DICER1: variants seen among roughly 807,000 people sequenced by gnomAD.
DICER1 encodes endoribonuclease Dicer.
DICER1 carries 43 observed loss-of-function variants against 194.1 expected under a neutral mutation model. That is an observed-to-expected ratio of 0.22 (90% confidence interval 0.17 to 0.29). The LOEUF is 0.29. DICER1 is among the 10% of genes least tolerant of loss of function. The probability of loss-of-function intolerance (pLI) is 1.00; values close to 1 mark genes in which losing one functional copy is unlikely to be tolerated. For synonymous variants in DICER1, 832 were observed against 820.5 expected, an observed-to-expected ratio of 1.01 and a Z score of -0.24; for missense variants, 1,608 against 2,317.0, an observed-to-expected ratio of 0.69 and a Z score of 6.28.
chr14:95,136,179 T>C (rs754240568), intron 1 of DICER1, among the ~76,000 whole-genome samples: 9 of 152,028 alleles, frequency 5.9e-5, no homozygotes, highest in Non-Finnish European at 1.2e-4. Flanking sequence ...TGTCCTATTA[T>C]TCTTGCAACA....
At chr14:95,155,822 T>C (rs1895819030) in intron 1 of DICER1, among the ~76,000 whole-genome samples, 1 of 152,208 alleles carries the variant, frequency 6.6e-6, no homozygotes, top group African/African-American at 2.4e-5. Context: ...TTTTGTTTTT[T>C]TATCTATTGA....
rs897759002 is a variant in DICER1 at position 95,157,458 on chromosome 14, G to GCAGCGCCCGGCTGGCCGGCAGC, written c.-296_-275dup. ...TCCCGCCGGCGCCTGCGGAGACTGC[G>GCAGCGCCCGGCTGGCCGGCAGC]CAGCGCCCGGCTGGCCGGCAGCCAG... is the stretch of plus-strand genomic sequence containing the variant. On this transcript the variant is annotated 5_prime_UTR_variant, in exon 1 of 27. Transcript: ENST00000343455. 1.3e-5 allele frequency: 2 copies of GCAGCGCCCGGCTGGCCGGCAGC among 152,588 alleles called. No individual in the cohort carries two copies. Among genetic ancestry groups the GCAGCGCCCGGCTGGCCGGCAGC allele is most frequent in the Admixed American group, 6.6e-5 (1 of 15,260 alleles). The allele number at this position is 152,588 out of a possible 1,614,324, so 9.5% of individuals were successfully genotyped here.
At chr14:95,095,156 C>T (rs1890195805) in intron 23 of DICER1, among the ~76,000 whole-genome samples, 1 of 152,192 alleles carries the variant, frequency 6.6e-6, no homozygotes, top group Non-Finnish European at 1.5e-5. Context: ...AATTCAGGCA[C>T]TTATTTTTCT....
chr14:95,104,834 T>C (rs1258948978), intron 20 of DICER1, among the ~76,000 whole-genome samples: 1 of 152,248 alleles, frequency 6.6e-6, no homozygotes, highest in East Asian at 1.9e-4. Context: ...CTGAAAATGC[T>C]GATGCAGTAA....
intron 1 of DICER1, among the ~76,000 whole-genome samples, chr14:95,145,934 T>C (rs1178278176): frequency 6.6e-6 from 1 of 152,152 alleles, no homozygotes. Flanking sequence ...ATCATTACCA[T>C]TTATAAGAGC....
chr14:95,096,381 A>T lies in DICER1; in HGVS notation c.4539T>A (p.Asp1513Glu). Residue 1513 changes from aspartate to glutamate, a missense_variant, in exon 23 of 27, where the codon GAT (aspartate) becomes GAA (glutamate). By Grantham distance (45) the Asp-to-Glu change is conservative. This residue lies in a region of DICER1 where 164 missense variants were observed against 183.7 expected (regional missense o/e 0.89). Transcript: ENST00000343455. ...CATCTTCTTCAACAGCTTTGCTAGG[A>T]TCCAGATAGCACATTGCATCCCAAG... ...YSSWDAMCYLDPSKAVEEDDF... is the reference protein window; with the variant it reads ...YSSWDAMCYLEPSKAVEEDDF... 6.2e-7 allele frequency: 1 copy of T among 1,614,230 alleles called. No individual in the cohort carries two copies. The highest frequency in any genetic ancestry group is 8.5e-7 in the Non-Finnish European group (1 of 1,180,026).
In DICER1 at chr14:95,096,128, C is replaced by T. The variant is rs757177980; in HGVS notation, c.4792G>A (p.Asp1598Asn). The change falls in exon 23 of 27, where the codon GAT (aspartate) becomes AAT (asparagine). Residue 1598 changes from aspartate to asparagine, a missense_variant. Asp to Asn is a conservative substitution (Grantham distance 23). Transcript: ENST00000343455. ...LKVLPVIKRT[D>N]REKALCPTRE... Reference sequence around the variant, plus strand: ...GTAGGGCACAGGGCCTTTTCCCGATCAGTCCTTTTAATTACCGGGAGCACC... The same window carrying T: ...GTAGGGCACAGGGCCTTTTCCCGATTAGTCCTTTTAATTACCGGGAGCACC... 1 of 1,614,210 alleles carries T rather than the reference C, an allele frequency of 6.2e-7. No homozygotes were observed. Among genetic ancestry groups the T allele is most frequent in the Non-Finnish European group, 8.5e-7 (1 of 1,180,036 alleles).
intron 1 of DICER1, among the ~76,000 whole-genome samples, chr14:95,142,990 A>T (rs1434042962): frequency 1.3e-5 from 2 of 152,220 alleles, no homozygotes; most frequent in Non-Finnish European, 2.9e-5. Context: ...TGCATCACAG[A>T]TTCTGACATT....
chr14:95,136,091 AC>A (rs1894348380), intron 1 of DICER1, among the ~76,000 whole-genome samples: 2 of 68,318 alleles, frequency 2.9e-5, no homozygotes, highest in South Asian at 5.7e-4. Context: ...GTAGATACAC[AC>A]ACACACACAC....
chr14:95,126,732 A>G lies in DICER1; in HGVS notation c.751T>C (p.Cys251Arg), dbSNP rs1353008772. The G allele has an allele frequency of 2.5e-6, 4 of 1,608,968 alleles. No homozygotes were observed. Among genetic ancestry groups the G allele is most frequent in the East Asian group, 4.5e-5 (2 of 44,748 alleles). Residue 251 changes from cysteine to arginine, a missense_variant, in exon 7 of 27, where the codon TGT becomes CGT. Cys to Arg is a radical substitution (Grantham distance 180). This residue lies in a region of DICER1 where 657 missense variants were observed against 910.1 expected (regional missense o/e 0.72). Coordinates refer to ENST00000343455, the MANE Select transcript of DICER1 (RefSeq NM_177438.3). ...VVLDRYTSQP[C>R]EIVVDCGPFT... is the part of the protein sequence containing the mutation. Reference sequence around the variant, plus strand: ...GGTCCACAATCCACCACAATCTCACATGGCTGAGAAGTATACCTTTAACAT... The same window carrying G: ...GGTCCACAATCCACCACAATCTCACGTGGCTGAGAAGTATACCTTTAACAT...
At chr14:95,144,399 C>G (rs1895005050) in intron 1 of DICER1, among the ~76,000 whole-genome samples, 1 of 152,006 alleles carries the variant, frequency 6.6e-6, no homozygotes, top group Admixed American at 6.6e-5. Context: ...GGTTTAAATC[C>G]AGACTCCACT....
chr14:95,129,256 C>T, intron 6 of DICER1: 1 of 519,670 alleles, frequency 1.9e-6, no homozygotes, highest in Non-Finnish European at 3.5e-6. Context: ...TCTCTTAAGG[C>T]AGAAATGCCT....
intron 24 of DICER1, 30 bp from the exon 25 acceptor site, chr14:95,091,395 C>G (rs1889826059): frequency 1.2e-6 from 2 of 1,609,692 alleles, no homozygotes; most frequent in South Asian, 2.2e-5. Context: ...GACTTGTAAG[C>G]AAAAAGGCCA....
At position 95,103,993 on chromosome 14, in the gene DICER1, G is replaced by T. The variant is rs755711684; in HGVS notation, c.3403C>A (p.Gln1135Lys). The change falls in exon 21 of 27, where the codon CAA becomes AAA. Residue 1135 changes from glutamine (Q) to lysine (K), a missense_variant. Transcript: ENST00000343455. Reference protein sequence around the residue: ...STIVPENAAHQGANRTSSLEN... With the variant: ...STIVPENAAHKGANRTSSLEN... ...AGAGAGGAGGTTCTATTAGCACCTTGATGTGCAGCATTTTCAGGGACAATT... is the reference window on the plus strand; with the variant it reads ...AGAGAGGAGGTTCTATTAGCACCTTTATGTGCAGCATTTTCAGGGACAATT... 6.2e-7 allele frequency: 1 copy of T among 1,614,048 alleles called. No homozygotes were observed. The highest frequency in any genetic ancestry group is 1.3e-5 in the African/African-American group (1 of 74,940).
At chr14:95,115,933 A>G (rs911955270) in intron 10 of DICER1, 112 bp from the exon 11 acceptor site, 5 of 1,071,040 alleles carry the variant, frequency 4.7e-6, no homozygotes, top group Non-Finnish European at 7.0e-6. Flanking sequence ...CTCTCTCCTA[A>G]ACATACTTCA....
rs138691930 is a variant in DICER1, at chr14:95,139,480, C to A, written c.-45-5977G>T. On this transcript the variant is annotated intron_variant, in intron 1 of 26. Transcript: ENST00000343455. ...AGCTTCTATTTGCCTTTCATAATTT[C>A]TATCACAGATTTTTAGAGCTATTCA... Among the ~76,000 whole-genome samples the A allele has an allele frequency of 1.8e-3, 277 of 152,324 alleles. 8 individuals carry two copies. The East Asian group carries it at 0.037, about 20-fold the overall frequency.
In DICER1 at chr14:95,099,731, TACACACAC is replaced by T. The variant is rs71838494; in HGVS notation, c.4206+41_4206+48del. The T allele has an allele frequency of 7.7e-5, 83 of 1,073,298 alleles. No homozygotes were observed. Among genetic ancestry groups the T allele is most frequent in the Middle Eastern group, 5.6e-4 (2 of 3,586 alleles). The allele number at this position is 1,073,298 out of a possible 1,614,324, so 66.5% of individuals were successfully genotyped here. On this transcript the variant is annotated intron_variant, in intron 22 of 26. Coordinates refer to ENST00000343455, the MANE Select transcript of DICER1 (RefSeq NM_177438.3). ...TCACCGAAAAGTAAATCCCTCCAGT[TACACACAC>T]ACACACACACACACACACACACACA...
Position 95,113,100 on chromosome 14 carries a change from A to T in DICER1, c.2032T>A (p.Ser678Thr). The change falls in exon 12 of 27, where the codon TCC becomes ACC. Residue 678 changes from serine (S) to threonine (T), a missense_variant. Ser to Thr is a moderately conservative substitution (Grantham distance 58). Coordinates refer to ENST00000343455, the MANE Select transcript of DICER1 (RefSeq NM_177438.3). ...TCTTCTTCTAAACTTACAACAATGG[A>T]GGCTCGAAGAGGTGAGTTAATTGGC... Reference protein sequence around the residue: ...YLPINSPLRASIVGPPMSCVR... With the variant: ...YLPINSPLRATIVGPPMSCVR... 6.2e-7 allele frequency: 1 copy of T among 1,613,722 alleles called. No individual in the cohort carries two copies. Among genetic ancestry groups the T allele is most frequent in the Non-Finnish European group, 8.5e-7 (1 of 1,179,596 alleles).
At chr14:95,152,321 G>A (rs1461648012) in intron 1 of DICER1, among the ~76,000 whole-genome samples, 1 of 152,202 alleles carries the variant, frequency 6.6e-6, no homozygotes, top group Non-Finnish European at 1.5e-5. Context: ...AGCATGATTT[G>A]TCCAAAAGCA....
Sources: gnomAD v4.1 joint callset for allele counts (sites outside exome capture counted in the v4.1 genomes callset) on GRCh38, gnomAD v4.1.1 for gene constraint, gnomAD v4.1.1 regional missense constraint, MANE v1.5 for transcripts, NCBI Gene and HGNC (gene_info 2026-07-23, HGNC 2026-07-21) for gene names.